CTTNBP2NL: variants seen among roughly 807,000 people sequenced by gnomAD.
The protein encoded by CTTNBP2NL is CTTNBP2 N-terminal-like protein.
Under a neutral mutation model 32.5 loss-of-function variants are expected in CTTNBP2NL, and 16 were observed. The observed-to-expected ratio is 0.49, with a 90% CI of 0.33 to 0.75. The LOEUF is 0.75. CTTNBP2NL is among the 30% of genes least tolerant of loss of function. The probability of loss-of-function intolerance (pLI) is 0.02; values close to 1 mark genes in which losing one functional copy is unlikely to be tolerated. For missense variants in CTTNBP2NL, 645 were observed against 756.0 expected (o/e 0.85, Z 1.72); for synonymous variants, 298 against 289.4 (o/e 1.03, Z -0.30).
intron 1 of CTTNBP2NL, among the ~76,000 whole-genome samples, chr1:112,409,271 A>G (rs1026114743): frequency 7.2e-5 from 11 of 152,310 alleles, no homozygotes; most frequent in African/African-American, 2.2e-4. Flanking sequence ...TAGTCCAAAT[A>G]TAAATTTCTT....
intron 3 of CTTNBP2NL, among the ~76,000 whole-genome samples, chr1:112,429,318 A>G (rs1649490599): frequency 6.6e-6 from 1 of 152,242 alleles, no homozygotes; most frequent in African/African-American, 2.4e-5. Context: ...GTTGTCCTCA[A>G]CTGGTTAAGG....
At chr1:112,452,265 G>C (rs1650243440) in intron 4 of CTTNBP2NL, among the ~76,000 whole-genome samples, 1 of 151,364 alleles carries the variant, frequency 6.6e-6, no homozygotes, top group Non-Finnish European at 1.5e-5. Context: ...GGAACTCTTG[G>C]GCTCCAGTGA....
At chr1:112,448,671 C>T (rs566089362) in intron 3 of CTTNBP2NL, among the ~76,000 whole-genome samples, 1 of 152,194 alleles carries the variant, frequency 6.6e-6, no homozygotes, top group East Asian at 1.9e-4. Context: ...GATAGCACTA[C>T]CTTACAGGGT....
chr1:112,431,843 A>G (rs1325413510), intron 3 of CTTNBP2NL, among the ~76,000 whole-genome samples: 3 of 152,108 alleles, frequency 2.0e-5, no homozygotes, highest in Non-Finnish European at 4.4e-5. Context: ...GCAAATGTAT[A>G]TATATTCTTG....
intron 4 of CTTNBP2NL, 74 bp from the exon 5 acceptor site, chr1:112,454,375 G>T: frequency 9.1e-7 from 1 of 1,094,924 alleles, no homozygotes; most frequent in East Asian, 2.4e-5. Flanking sequence ...GCCTGATTTG[G>T]CACTTATTAT....
At chr1:112,431,422 T>C (rs1316405012) in intron 3 of CTTNBP2NL, among the ~76,000 whole-genome samples, 1 of 152,202 alleles carries the variant, frequency 6.6e-6, no homozygotes, top group Non-Finnish European at 1.5e-5. Flanking sequence ...GTAAGAATAA[T>C]TTGGAAGATA....
At chr1:112,404,304 C>T (rs891057357) in intron 1 of CTTNBP2NL, among the ~76,000 whole-genome samples, 1 of 152,200 alleles carries the variant, frequency 6.6e-6, no homozygotes, top group Non-Finnish European at 1.5e-5. Context: ...AGTTATCTGT[C>T]TTAGAAGACA....
intron 3 of CTTNBP2NL, among the ~76,000 whole-genome samples, chr1:112,425,426 G>A (rs1352893903): frequency 3.9e-5 from 6 of 152,094 alleles, no homozygotes; most frequent in Non-Finnish European, 5.9e-5. Context: ...AGCTGAGATC[G>A]CGCCACCGCA....
intron 3 of CTTNBP2NL, among the ~76,000 whole-genome samples, chr1:112,440,529 T>G (rs1024902667): frequency 6.6e-6 from 1 of 152,226 alleles, no homozygotes; most frequent in Non-Finnish European, 1.5e-5. Flanking sequence ...TATATTCTTA[T>G]GCTAGAAGTA....
In CTTNBP2NL at chr1:112,460,885, A is replaced by G. The variant is rs1242454234; in HGVS notation, c.*3473A>G. Reference sequence around the variant, plus strand: ...GCCTGTCAGCAGTGCTGCCTTGTCAATTTGTGTGTGTGTGTGTGTATGTGT... The same window carrying G: ...GCCTGTCAGCAGTGCTGCCTTGTCAGTTTGTGTGTGTGTGTGTGTATGTGT... On this transcript the variant is annotated 3_prime_UTR_variant, in exon 6 of 6. Transcript: ENST00000271277. 1 of 150,842 alleles carries G rather than the reference A, an allele frequency of 6.6e-6. No homozygotes were observed. Among genetic ancestry groups the G allele is most frequent in the South Asian group, 2.1e-4 (1 of 4,794 alleles). 9.3% of individuals were successfully genotyped at this position (150,842 alleles called of 1,614,324 possible).
At chr1:112,393,461 T>C (rs1000308092), upstream of CTTNBP2NL, among the ~76,000 whole-genome samples, 1 of 152,242 alleles carries the variant, frequency 6.6e-6, no homozygotes, top group Non-Finnish European at 1.5e-5. Context: ...GATAAAATGA[T>C]AGACATTAAA....
chr1:112,392,511 G>A (rs1372577963), upstream of CTTNBP2NL, among the ~76,000 whole-genome samples: 1 of 152,078 alleles, frequency 6.6e-6, no homozygotes, highest in East Asian at 1.9e-4. Context: ...TTTGTGTATC[G>A]GGTCGAATGA....
chr1:112,446,480 G>A (rs1650040300), intron 3 of CTTNBP2NL, among the ~76,000 whole-genome samples: 1 of 152,216 alleles, frequency 6.6e-6, no homozygotes, highest in Non-Finnish European at 1.5e-5. Context: ...AAACATTGAT[G>A]AGTCCCATGT....
chr1:112,438,663 T>C (rs1444405157), intron 3 of CTTNBP2NL, among the ~76,000 whole-genome samples: 1 of 152,158 alleles, frequency 6.6e-6, no homozygotes, highest in Non-Finnish European at 1.5e-5. Context: ...GCTTCCAGCT[T>C]TTGCATATTC....
intron 3 of CTTNBP2NL, among the ~76,000 whole-genome samples, chr1:112,419,191 A>G (rs543631992): frequency 1.2e-3 from 185 of 152,282 alleles, no homozygotes; most frequent in Middle Eastern, 6.8e-3. Context: ...AAAATCCCCC[A>G]AGCAAGAAGA....
At chr1:112,447,141 G>C (rs1650069703) in intron 3 of CTTNBP2NL, among the ~76,000 whole-genome samples, 1 of 151,872 alleles carries the variant, frequency 6.6e-6, no homozygotes, top group African/African-American at 2.4e-5. Context: ...GGGCGTGGTG[G>C]TGGGCACCTG....
At chr1:112,430,127 A>T (rs149558739) in intron 3 of CTTNBP2NL, among the ~76,000 whole-genome samples, 1 of 152,186 alleles carries the variant, frequency 6.6e-6, no homozygotes, top group Admixed American at 6.5e-5. Flanking sequence ...TGCTCCATTC[A>T]GAAAAACATC....
At chr1:112,399,318 CAAA>C (rs72332884) in intron 1 of CTTNBP2NL, among the ~76,000 whole-genome samples, 3 of 78,046 alleles carry the variant, frequency 3.8e-5, no homozygotes, top group Non-Finnish European at 5.0e-5. Flanking sequence ...GACTCTGTCT[CAAA>C]AAAAAAAAAA....
At chr1:112,429,746 T>C (rs1427313069) in intron 3 of CTTNBP2NL, among the ~76,000 whole-genome samples, 1 of 152,152 alleles carries the variant, frequency 6.6e-6, no homozygotes, top group Non-Finnish European at 1.5e-5. Flanking sequence ...GGTATGATTG[T>C]AGAATAAAAT....
Sources: allele counts gnomAD v4.1 joint callset (sites outside exome capture counted in the v4.1 genomes callset), GRCh38; gene constraint gnomAD v4.1.1; transcripts MANE v1.5; gene names NCBI Gene and HGNC (gene_info 2026-07-23, HGNC 2026-07-21).